The following STK32B variants were observed in gnomAD, a reference collection of about 807,000 sequenced individuals.
The protein encoded by STK32B is serine/threonine-protein kinase 32B.
A neutral mutation model predicts 52.6 loss-of-function variants in STK32B; 43 were observed. The observed-to-expected ratio is 0.82, with a 90% CI of 0.64 to 1.05. STK32B has a LOEUF of 1.05. Ranked by LOEUF, STK32B falls within the 50% of genes least tolerant of loss-of-function variation. STK32B has a pLI of 0.00. For missense variants in STK32B, 621 were observed against 534.6 expected (o/e 1.16, Z -1.59); for synonymous variants, 238 against 204.3 (o/e 1.17, Z -1.41).
intron 4 of STK32B, among the ~76,000 whole-genome samples, chr4:5,331,670 A>T (rs1033319865): frequency 3.3e-5 from 5 of 152,154 alleles, no homozygotes; most frequent in African/African-American, 1.2e-4. Context: ...AAGCTGGAAC[A>T]TTCTGTCTCT....
chr4:5,223,867 GTTGTTTACC>G (rs1560237499), intron 3 of STK32B, among the ~76,000 whole-genome samples: 1 of 149,288 alleles, frequency 6.7e-6, no homozygotes, highest in Non-Finnish European at 1.5e-5. Context: ...AAGACTTAAT[GTTGTTTACC>G]TTTTGGGTTT....
At chr4:5,157,842 A>T (rs1717986438) in intron 2 of STK32B, among the ~76,000 whole-genome samples, 1 of 152,212 alleles carries the variant, frequency 6.6e-6, no homozygotes, top group Non-Finnish European at 1.5e-5. Context: ...AACTTCTCTG[A>T]GCCTCACGTT....
At chr4:5,391,087 T>C (rs1736570107) in intron 4 of STK32B, among the ~76,000 whole-genome samples, 1 of 150,856 alleles carries the variant, frequency 6.6e-6, no homozygotes, top group Admixed American at 6.7e-5. Flanking sequence ...GCCTCCAGAG[T>C]AGCTGGGACT....
Position 5,467,899 on chromosome 4 carries a change from C to T in STK32B, c.1042-107C>T. On this transcript the variant is annotated intron_variant, in intron 10 of 11. Transcript: ENST00000282908. The surrounding 1 kb of genome is among the most constrained non-coding windows in gnomAD (Gnocchi z 5.8). ...TAGCTTGGCTTGTCCCGGTCCCAAG[C>T]ATCTGAGGTTTCCATCTAGGTCAGT... 7.9e-7 allele frequency: 1 copy of T among 1,269,082 alleles called. No homozygotes were observed. The highest frequency in any genetic ancestry group is 2.3e-5 in the East Asian group (1 of 43,118). The allele number at this position is 1,269,082 out of a possible 1,614,324, so 78.6% of individuals were successfully genotyped here.
chr4:5,299,138 C>A (rs1419233497), intron 3 of STK32B, among the ~76,000 whole-genome samples: 4 of 151,898 alleles, frequency 2.6e-5, no homozygotes, highest in Non-Finnish European at 5.9e-5. Flanking sequence ...TACTGTCTAA[C>A]CAGTTCCAGT....
At position 5,122,963 on chromosome 4, in the gene STK32B, G is replaced by T. The variant is rs193091269; in HGVS notation, c.53-16942G>T. 4.4e-3 allele frequency among the ~76,000 whole-genome samples: 669 copies of T among 152,190 alleles called. 4 individuals carry two copies. Among genetic ancestry groups the T allele is most frequent in the Non-Finnish European group, 6.9e-3 (469 of 68,004 alleles). ...CCTTGACTCTCTATTTGCTCCACCT[G>T]CACCAGCTCATGCATTTCCTCCTGT... On this transcript the variant is annotated intron_variant, in intron 1 of 11. Transcript: ENST00000282908.
chr4:5,181,351 C>CACACAA (rs1349635965), intron 3 of STK32B, among the ~76,000 whole-genome samples: 1 of 144,682 alleles, frequency 6.9e-6, no homozygotes, highest in South Asian at 2.3e-4. Context: ...CACACACACA[C>CACACAA]ACACACACAC....
At chr4:5,343,135 T>C in intron 4 of STK32B, among the ~76,000 whole-genome samples, 2 of 127,062 alleles carry the variant, frequency 1.6e-5, no homozygotes, top group Admixed American at 1.9e-4. Flanking sequence ...GTGTGTGATA[T>C]TCCCCTTCCT....
At position 5,398,204 on chromosome 4, in the gene STK32B, C is replaced by A; in HGVS notation, c.435-3C>A. 6.2e-7 allele frequency: 1 copy of A among 1,613,954 alleles called. No individual in the cohort carries two copies. The highest frequency in any genetic ancestry group is 1.1e-5 in the South Asian group (1 of 91,052). On this transcript the variant is annotated splice_region_variant and splice_polypyrimidine_tract_variant and intron_variant, in intron 4 of 11. Coordinates refer to ENST00000282908, the MANE Select transcript of STK32B (RefSeq NM_018401.3). This position sits in a 1 kb window ranked among gnomAD's most constrained non-coding sequence, Gnocchi z 4.9. ...TTGCCAGCTTCTTTGTTTTCTTTTACAGAGACATCAAGCCAGACAATATCC... is the reference window on the plus strand; with the variant it reads ...TTGCCAGCTTCTTTGTTTTCTTTTAAAGAGACATCAAGCCAGACAATATCC...
At chr4:5,155,216 C>A (rs1717714010) in intron 2 of STK32B, among the ~76,000 whole-genome samples, 1 of 152,154 alleles carries the variant, frequency 6.6e-6, no homozygotes, top group Non-Finnish European at 1.5e-5. Context: ...CCCAGAATGC[C>A]CACCCTCTTC....
intron 3 of STK32B, among the ~76,000 whole-genome samples, chr4:5,259,560 A>C (rs1430971298): frequency 6.6e-6 from 1 of 152,220 alleles, no homozygotes; most frequent in Non-Finnish European, 1.5e-5. Context: ...TGTGTCACAC[A>C]GTTACATAAA....
chr4:5,181,199 A>G (rs570595025), intron 3 of STK32B, among the ~76,000 whole-genome samples: 13 of 152,314 alleles, frequency 8.5e-5, no homozygotes, highest in African/African-American at 3.1e-4. Flanking sequence ...TTGAAACCCT[A>G]GCCCCCAATG....
intron 3 of STK32B, among the ~76,000 whole-genome samples, chr4:5,184,199 A>G (rs928682595): frequency 6.6e-6 from 1 of 152,144 alleles, no homozygotes; most frequent in Non-Finnish European, 1.5e-5. Flanking sequence ...TGAGAGACAT[A>G]GGAATCTTCC....
intron 3 of STK32B, among the ~76,000 whole-genome samples, chr4:5,328,798 G>A (rs1267095231): frequency 6.6e-6 from 1 of 152,158 alleles, no homozygotes; most frequent in Non-Finnish European, 1.5e-5. Context: ...AAAGTGAAGT[G>A]CAGTAAAACA....
intron 7 of STK32B, among the ~76,000 whole-genome samples, chr4:5,456,587 C>T (rs1716539435): frequency 6.6e-6 from 1 of 152,168 alleles, no homozygotes; most frequent in African/African-American, 2.4e-5. Context: ...ATGCTGTGGC[C>T]ACAGCAGCAG....
chr4:5,043,247 T>A, the STK32B span, among the ~76,000 whole-genome samples: 1 of 152,188 alleles, frequency 6.6e-6, no homozygotes, highest in African/African-American at 2.4e-5. Flanking sequence ...ATTCCAAATG[T>A]TCATTGAGTC....
At chr4:5,067,670 T>G (rs2108764107) in intron 1 of STK32B, among the ~76,000 whole-genome samples, 1 of 152,180 alleles carries the variant, frequency 6.6e-6, no homozygotes, top group South Asian at 2.1e-4. Context: ...AGGGTACAAG[T>G]GTGTATTAGT....
intron 11 of STK32B, among the ~76,000 whole-genome samples, chr4:5,484,004 C>G (rs1212459186): frequency 6.6e-6 from 1 of 152,078 alleles, no homozygotes; most frequent in Non-Finnish European, 1.5e-5. Flanking sequence ...TGCTTTACTT[C>G]CAACTATGTG....
rs538249825 is a variant in STK32B at position 5,412,872 on chromosome 4, C to T, written c.473-3973C>T. On this transcript the variant is annotated intron_variant, in intron 5 of 11. Transcript: ENST00000282908. ...CTGAAAGAGTATTCAAAATTGAGTC[C>T]GATCATATCAAAACCCTCTCACTTG... is the stretch of plus-strand genomic sequence containing the variant. Among the ~76,000 whole-genome samples the T allele has an allele frequency of 5.3e-5, 8 of 152,170 alleles. No homozygotes were observed. In the South Asian group the frequency reaches 6.2e-4, roughly 12 times the overall value.
Sources: gnomAD v4.1 joint callset for allele counts (sites outside exome capture counted in the v4.1 genomes callset) on GRCh38, gnomAD v4.1.1 for gene constraint, Gnocchi (gnomAD v3.1) non-coding constraint, MANE v1.5 for transcripts, NCBI Gene and HGNC (gene_info 2026-07-23, HGNC 2026-07-21) for gene names.